Variants in ASCC3 observed in about 807,000 individuals in gnomAD.
The protein encoded by ASCC3 is ASC-1 complex subunit P200.
Under a neutral mutation model 256.3 loss-of-function variants are expected in ASCC3, and 158 were observed. The observed-to-expected ratio is 0.62, with a 90% CI of 0.54 to 0.70. The LOEUF is 0.70. ASCC3 is among the 30% of genes least tolerant of loss of function. ASCC3 has a pLI of 0.00. For synonymous variants in ASCC3, 948 were observed against 883.4 expected (o/e 1.07, Z -1.30); for missense variants, 2,259 against 2,626.0 (o/e 0.86, Z 3.05).
At chr6:100,846,001 A>G (rs948957152) in intron 4 of ASCC3, among the ~76,000 whole-genome samples, 2 of 152,202 alleles carry the variant, frequency 1.3e-5, no homozygotes, top group African/African-American at 4.8e-5. Context: ...AGCATGCTAC[A>G]TAAATATTCC....
chr6:100,871,605 A>T (rs574664224), intron 1 of ASCC3, among the ~76,000 whole-genome samples: 1 of 152,232 alleles, frequency 6.6e-6, no homozygotes, highest in Non-Finnish European at 1.5e-5. Flanking sequence ...CCAACTCTAC[A>T]AAAAAATTTT....
rs764150200 is a variant in ASCC3 at position 100,638,656 on chromosome 6, G to C, written c.4067C>G (p.Thr1356Ser). Residue 1356 changes from threonine to serine, a missense_variant, in exon 25 of 42, where the codon ACT becomes AGT. Physicochemically the swap from Thr to Ser is moderately conservative, Grantham distance 58 (BLOSUM62 1). Around this residue, in one of 2 missense-constraint regions of ASCC3, gnomAD observed 1,839 missense variants for 2,206.7 expected, o/e 0.83. Transcript: ENST00000369162. ...GAAAATGGCTAATTCAGCTGCAACA[G>C]TCTTTCCCGATCCAGTAGGTGCTCC... is the stretch of plus-strand genomic sequence containing the variant. ...LLGAPTGSGK[T>S]VAAELAIFRV... The C allele has an allele frequency of 2.5e-6, 4 of 1,613,970 alleles. No individual in the cohort carries two copies. In the South Asian group the frequency reaches 4.4e-5, roughly 18 times the overall value.
chr6:100,713,106 G>A (rs182329934), intron 13 of ASCC3, among the ~76,000 whole-genome samples: 160 of 151,910 alleles, frequency 1.1e-3, no homozygotes, highest in Non-Finnish European at 1.8e-3. Flanking sequence ...ACTTACGTCC[G>A]GACAAAAACC....
intron 1 of ASCC3, among the ~76,000 whole-genome samples, chr6:100,878,424 T>G (rs1366568375): frequency 6.6e-6 from 1 of 152,168 alleles, no homozygotes; most frequent in Non-Finnish European, 1.5e-5. Flanking sequence ...AATTTTACTT[T>G]TAGCACAGGG....
At chr6:100,601,236 T>A (rs1014752585) in intron 34 of ASCC3, among the ~76,000 whole-genome samples, 14 of 152,104 alleles carry the variant, frequency 9.2e-5, no homozygotes, top group Non-Finnish European at 1.8e-4. Flanking sequence ...TTGTAACGAC[T>A]TATATGGTTT....
At chr6:100,547,160 T>C (rs1769014250) in intron 36 of ASCC3, among the ~76,000 whole-genome samples, 1 of 152,074 alleles carries the variant, frequency 6.6e-6, no homozygotes, top group Admixed American at 6.6e-5. Context: ...GTAGAATAAC[T>C]GGGTATCCAT....
chr6:100,767,403 A>C, intron 8 of ASCC3, 58 bp from the exon 9 acceptor site: 1 of 1,479,270 alleles, frequency 6.8e-7, no homozygotes, highest in Non-Finnish European at 9.4e-7. Flanking sequence ...ACCCATACAA[A>C]TCATTATGTG....
At chr6:100,516,129 A>G in intron 39 of ASCC3, 51 bp downstream of exon 39, 1 of 1,611,836 alleles carries the variant, frequency 6.2e-7, no homozygotes, top group African/African-American at 1.3e-5. Context: ...AACTCTTGGT[A>G]CACCTTCTCA....
intron 36 of ASCC3, among the ~76,000 whole-genome samples, chr6:100,580,960 T>C (rs1771207061): frequency 6.6e-6 from 1 of 152,148 alleles, no homozygotes. Flanking sequence ...ATGTGCCACA[T>C]TTTCTTAATC....
intron 10 of ASCC3, among the ~76,000 whole-genome samples, chr6:100,747,490 G>A (rs1207784539): frequency 6.6e-6 from 1 of 152,072 alleles, no homozygotes; most frequent in African/African-American, 2.4e-5. Context: ...CCATATGTCT[G>A]TGAAAATTAA....
chr6:100,653,429 G>A (rs1775767117), intron 17 of ASCC3, among the ~76,000 whole-genome samples: 1 of 152,014 alleles, frequency 6.6e-6, no homozygotes, highest in Admixed American at 6.6e-5. Flanking sequence ...CACGAGGTCA[G>A]AAGTTTCAGA....
chr6:100,564,701 A>T (rs1311517384), intron 36 of ASCC3, among the ~76,000 whole-genome samples: 1 of 152,192 alleles, frequency 6.6e-6, no homozygotes, highest in Non-Finnish European at 1.5e-5. Context: ...TAGGTGCTAT[A>T]TAAAATATCC....
At chr6:100,542,124 G>A (rs1418255683) in intron 36 of ASCC3, among the ~76,000 whole-genome samples, 7 of 152,156 alleles carry the variant, frequency 4.6e-5, no homozygotes, top group Admixed American at 4.6e-4. Flanking sequence ...TATAGTCACT[G>A]GAAAAGGTCT....
chr6:100,541,052 A>G (rs960847398), intron 36 of ASCC3, among the ~76,000 whole-genome samples: 3 of 152,186 alleles, frequency 2.0e-5, no homozygotes, highest in Non-Finnish European at 4.4e-5. Flanking sequence ...ATATCAGTCA[A>G]TAAGTGCCAA....
At chr6:100,758,435 G>A (rs1166048803) in intron 10 of ASCC3, among the ~76,000 whole-genome samples, 1 of 152,010 alleles carries the variant, frequency 6.6e-6, no homozygotes, top group Non-Finnish European at 1.5e-5. Context: ...TGTTCTCCCT[G>A]TGTCCATGTG....
intron 1 of ASCC3, among the ~76,000 whole-genome samples, chr6:100,872,472 G>GA (rs1773792292): frequency 7.9e-6 from 1 of 126,276 alleles, no homozygotes; most frequent in African/African-American, 2.9e-5. Flanking sequence ...AAAGGGTCGG[G>GA]GGGGGATCAT....
chr6:100,838,155 G>C (rs1771967397), intron 4 of ASCC3, among the ~76,000 whole-genome samples: 1 of 151,966 alleles, frequency 6.6e-6, no homozygotes, highest in African/African-American at 2.4e-5. Context: ...ACTATGCAAA[G>C]AAAAACTATG....
chr6:100,851,743 G>A lies in ASCC3; in HGVS notation c.242-3036C>T, dbSNP rs142326780. Among the ~76,000 whole-genome samples, 26 of 152,258 alleles carry A rather than the reference G, an allele frequency of 1.7e-4. 1 individual carries two copies. The highest frequency in any genetic ancestry group is 6.3e-4 in the African/African-American group (26 of 41,548). On this transcript the variant is annotated intron_variant, in intron 3 of 41. Coordinates refer to ENST00000369162, the MANE Select transcript of ASCC3 (RefSeq NM_006828.4). The stretch of plus-strand genomic sequence containing the variant: ...CATACCACAGAACAGTTTTTCAACA[G>A]AGAATCTCTATATGCCTTACGGTTC...
At chr6:100,812,631 T>C (rs1051455056) in intron 4 of ASCC3, among the ~76,000 whole-genome samples, 2 of 152,154 alleles carry the variant, frequency 1.3e-5, no homozygotes, top group African/African-American at 4.8e-5. Context: ...ATTATGACAT[T>C]TGAAGAACAA....
Sources: allele counts gnomAD v4.1 joint callset (sites outside exome capture counted in the v4.1 genomes callset), GRCh38; gene constraint gnomAD v4.1.1; regional missense constraint gnomAD v4.1.1; transcripts MANE v1.5; gene names NCBI Gene and HGNC (gene_info 2026-07-23, HGNC 2026-07-21).